Variants in BACH2 observed in about 807,000 individuals in gnomAD.
BACH2 encodes the protein transcription regulator protein BACH2.
BACH2 carries 5 observed loss-of-function variants against 61.8 expected under a neutral mutation model. The ratio of observed to expected loss-of-function variants is 0.08; its 90% CI spans 0.04 to 0.17. The LOEUF (loss-of-function observed/expected upper bound fraction) is 0.17, where lower values mean the gene tolerates loss of function less well. BACH2 is among the 10% of genes least tolerant of loss of function. The pLI is 1.00. For missense variants in BACH2, 824 were observed against 1,091.1 expected (o/e 0.76, Z 3.45); for synonymous variants, 446 against 440.1 (o/e 1.01, Z -0.17).
intron 8 of BACH2, among the ~76,000 whole-genome samples, chr6:89,935,078 C>T (rs1772934686): frequency 6.6e-6 from 1 of 152,082 alleles, no homozygotes; most frequent in Admixed American, 6.5e-5. Flanking sequence ...TTTGCAACAG[C>T]TGAGTGGCGG....
At chr6:90,214,751 C>CTTTTTTTTTTTTT (rs563651580) in intron 3 of BACH2, among the ~76,000 whole-genome samples, 1 of 94,280 alleles carries the variant, frequency 1.1e-5, no homozygotes, top group Non-Finnish European at 2.1e-5. Flanking sequence ...GATTCTGTTC[C>CTTTTTTTTTTTTT]TTTTTTTTTT....
In BACH2 at chr6:90,008,990, G is replaced by T; in HGVS notation, c.-12-134C>A. 9.3e-7 allele frequency: 1 copy of T among 1,073,346 alleles called. No individual in the cohort carries two copies. The highest frequency in any genetic ancestry group is 1.3e-6 in the Non-Finnish European group (1 of 764,026). The allele number at this position is 1,073,346 out of a possible 1,614,324, so 66.5% of individuals were successfully genotyped here. On this transcript the variant is annotated intron_variant, in intron 5 of 8. Coordinates refer to ENST00000257749, the MANE Select transcript of BACH2 (RefSeq NM_021813.4). This position sits in a 1 kb window ranked among gnomAD's most constrained non-coding sequence, Gnocchi z 4.1. ...TGCCATGAGCATGGCAGGAAGGAGG[G>T]GAATTACCAATCAGCATATTTGTGC...
At chr6:90,249,379 A>G (rs1376353757) in intron 3 of BACH2, among the ~76,000 whole-genome samples, 1 of 152,200 alleles carries the variant, frequency 6.6e-6, no homozygotes, top group African/African-American at 2.4e-5. Flanking sequence ...TTTCCTTGGT[A>G]GAAGGAAGTA....
chr6:90,183,486 C>CAA (rs1768237860), intron 4 of BACH2, among the ~76,000 whole-genome samples: 1 of 152,136 alleles, frequency 6.6e-6, no homozygotes. Flanking sequence ...TTAAGCCAGG[C>CAA]AAAAAGTTTT....
chr6:90,017,717 T>C (rs1562373133), intron 5 of BACH2, among the ~76,000 whole-genome samples: 3 of 152,226 alleles, frequency 2.0e-5, no homozygotes, highest in Admixed American at 1.3e-4. Flanking sequence ...TTCTAACTTT[T>C]TGAACACTTG....
chr6:90,110,669 C>T (rs746047699), intron 4 of BACH2, among the ~76,000 whole-genome samples: 6 of 152,172 alleles, frequency 3.9e-5, no homozygotes, highest in African/African-American at 7.2e-5. Flanking sequence ...CTTGAAGTAT[C>T]AGGGCACTTC....
At chr6:90,122,885 T>C (rs963993513) in intron 4 of BACH2, among the ~76,000 whole-genome samples, 25 of 152,172 alleles carry the variant, frequency 1.6e-4, no homozygotes, top group Non-Finnish European at 4.4e-5. Context: ...CTTCCTATAG[T>C]TACACATAAA....
chr6:90,281,837 G>C (rs988054571), intron 1 of BACH2, among the ~76,000 whole-genome samples: 2 of 151,786 alleles, frequency 1.3e-5, no homozygotes, highest in African/African-American at 4.8e-5. Flanking sequence ...ACACTATCAG[G>C]TAGACATCAT....
chr6:90,079,948 G>T (rs1267826844), intron 5 of BACH2, among the ~76,000 whole-genome samples: 2 of 151,468 alleles, frequency 1.3e-5, no homozygotes, highest in African/African-American at 4.9e-5. Flanking sequence ...GGACTTTCAG[G>T]GAAAACAATG....
intron 3 of BACH2, among the ~76,000 whole-genome samples, chr6:90,207,350 C>T (rs149063435): frequency 3.8e-4 from 58 of 152,280 alleles, no homozygotes; most frequent in Non-Finnish European, 7.1e-4. Context: ...AACTCCTAAG[C>T]TCAAGTGATC....
Position 89,965,447 on chromosome 6 carries a change from CA to C in BACH2, c.244-13586del, listed in dbSNP as rs374354501. On this transcript the variant is annotated intron_variant, in intron 6 of 8. Coordinates refer to ENST00000257749, the MANE Select transcript of BACH2 (RefSeq NM_021813.4). ...TTTACCAAATATTTTACTTTCCTAC[CA>C]ATATCAAACTTGCTGGGTTCTGACC... Among the ~76,000 whole-genome samples the C allele has an allele frequency of 3.2e-4, 48 of 152,268 alleles. No individual in the cohort carries two copies. In the East Asian group the frequency reaches 8.9e-3, roughly 28 times the overall value.
intron 3 of BACH2, among the ~76,000 whole-genome samples, chr6:90,214,983 G>A (rs917624570): frequency 2.0e-5 from 3 of 151,932 alleles, no homozygotes; most frequent in Non-Finnish European, 4.4e-5. Flanking sequence ...TCAAACTCCT[G>A]GGCTCAAGTG....
In BACH2 at chr6:89,950,201, G is replaced by C; in HGVS notation, c.1836+69C>G. The C allele has an allele frequency of 6.5e-7, 1 of 1,543,692 alleles. No individual in the cohort carries two copies. The highest frequency in any genetic ancestry group is 9.0e-7 in the Non-Finnish European group (1 of 1,116,878). On this transcript the variant is annotated intron_variant, in intron 7 of 8. Coordinates refer to ENST00000257749, the MANE Select transcript of BACH2 (RefSeq NM_021813.4). The surrounding 1 kb of genome is among the most constrained non-coding windows in gnomAD (Gnocchi z 5.3). ...TAAGAACAATGTGGGAGTGGTGGGG[G>C]GCAGGGAGTAGTCCAGATAAAGGGC...
intron 4 of BACH2, among the ~76,000 whole-genome samples, chr6:90,133,222 A>G (rs751858747): frequency 7.9e-4 from 121 of 152,218 alleles, no homozygotes; most frequent in Middle Eastern, 3.2e-3. Context: ...CAATCATAAT[A>G]TTAAATAAGG....
chr6:89,984,937 C>A (rs1197644697), intron 6 of BACH2, among the ~76,000 whole-genome samples: 1 of 152,144 alleles, frequency 6.6e-6, no homozygotes, highest in Admixed American at 6.5e-5. Context: ...GAAGTCATTT[C>A]ACTTTTAGGT....
intron 4 of BACH2, among the ~76,000 whole-genome samples, chr6:90,187,272 C>T (rs1156754733): frequency 6.6e-6 from 1 of 152,134 alleles, no homozygotes; most frequent in Non-Finnish European, 1.5e-5. Context: ...ACCCCCTAAA[C>T]GGAAGTATCT....
At chr6:90,196,901 GTCAAA>G (rs1459748329) in intron 4 of BACH2, among the ~76,000 whole-genome samples, 7 of 151,932 alleles carry the variant, frequency 4.6e-5, no homozygotes, top group African/African-American at 1.7e-4. Flanking sequence ...ACTATGATTA[GTCAAA>G]TCAAATCTCT....
intron 1 of BACH2, among the ~76,000 whole-genome samples, chr6:90,295,316 A>T (rs913252561): frequency 6.6e-6 from 1 of 151,990 alleles, no homozygotes; most frequent in Middle Eastern, 3.4e-3. Context: ...GGGATGCCCC[A>T]TGCGCCCGCG....
chr6:90,040,803 ATATTT>A (rs1779497685), intron 5 of BACH2, among the ~76,000 whole-genome samples: 1 of 152,118 alleles, frequency 6.6e-6, no homozygotes, highest in African/African-American at 2.4e-5. Flanking sequence ...ACATGTGTAT[ATATTT>A]TATTTGAACT....
Sources: allele counts gnomAD v4.1 joint callset (sites outside exome capture counted in the v4.1 genomes callset), GRCh38; gene constraint gnomAD v4.1.1; non-coding constraint Gnocchi (gnomAD v3.1); transcripts MANE v1.5; gene names NCBI Gene and HGNC (gene_info 2026-07-23, HGNC 2026-07-21).